TNR: variants seen among roughly 807,000 people sequenced by gnomAD.
TNR encodes the protein tenascin-R.
A neutral mutation model predicts 150.4 loss-of-function variants in TNR; 45 were observed. The observed-to-expected ratio is 0.30, with a 90% CI of 0.24 to 0.38. The LOEUF is 0.38. TNR is among the 10% of genes least tolerant of loss of function. The pLI, the probability that TNR is intolerant of heterozygous loss-of-function variation, is 1.00. For synonymous variants in TNR, 687 were observed against 678.4 expected (o/e 1.01, Z -0.20); for missense variants, 1,544 against 1,759.1 (o/e 0.88, Z 2.19).
chr1:175,522,451 G>A (rs947077532), intron 2 of TNR, among the ~76,000 whole-genome samples: 4 of 152,038 alleles, frequency 2.6e-5, no homozygotes, highest in African/African-American at 7.2e-5. Context: ...AATTGGGTGC[G>A]GCATATACTG....
Position 175,536,221 on chromosome 1 carries a change from G to A in TNR, c.-164-7852C>T, listed in dbSNP as rs535332510. Among the ~76,000 whole-genome samples the A allele has an allele frequency of 3.9e-5, 6 of 152,064 alleles. No individual in the cohort carries two copies. In the South Asian group the frequency reaches 1.2e-3, roughly 32 times the overall value. On this transcript the variant is annotated intron_variant, in intron 1 of 22. Transcript: ENST00000367674. ...TTTTATACATTTATACCATTATTTTGAGAAGGATTCGTGTGCTTCACTAGG... is the reference window on the plus strand; with the variant it reads ...TTTTATACATTTATACCATTATTTTAAGAAGGATTCGTGTGCTTCACTAGG...
At chr1:175,447,809 A>C (rs1489060703) in intron 2 of TNR, among the ~76,000 whole-genome samples, 1 of 152,150 alleles carries the variant, frequency 6.6e-6, no homozygotes, top group African/African-American at 2.4e-5. Context: ...AACAAGGGAA[A>C]ATTCCTCAGT....
In TNR at chr1:175,359,663, C is replaced by T. The variant is rs781518751; in HGVS notation, c.2923G>A (p.Ala975Thr). 1 of 1,613,948 alleles carries T rather than the reference C, an allele frequency of 6.2e-7. No homozygotes were observed. The highest frequency in any genetic ancestry group is 8.5e-7 in the Non-Finnish European group (1 of 1,179,898). The stretch of plus-strand genomic sequence containing the variant: ...TAGTTCTCCACCTCACCCACTGGTG[C>T]CTTCCACTGCAGCAGGGCTTCTGTT... ...TPTEALLQWK[A>T]PVGEVENYVI... is the part of the protein sequence containing the mutation. The change falls in exon 15 of 23, where the codon GCA (alanine) becomes ACA (threonine). Residue 975 changes from alanine (A) to threonine (T), a missense_variant. Ala to Thr is a moderately conservative substitution (Grantham distance 58, BLOSUM62 0). Coordinates refer to ENST00000367674, the MANE Select transcript of TNR (RefSeq NM_003285.3).
chr1:175,393,676 G>A (rs1653285722), intron 6 of TNR, 104 bp downstream of exon 6: 1 of 889,842 alleles, frequency 1.1e-6, no homozygotes, highest in Non-Finnish European at 1.9e-6. Context: ...TTAATGGCAT[G>A]GAGAGAGATA....
At chr1:175,416,127 T>TACAC (rs1202788295) in intron 2 of TNR, among the ~76,000 whole-genome samples, 5 of 130,806 alleles carry the variant, frequency 3.8e-5, no homozygotes, top group East Asian at 2.3e-4. Context: ...TATATATATA[T>TACAC]ATACACACAC....
chr1:175,661,429 G>A (rs1239432881), intron 1 of TNR, among the ~76,000 whole-genome samples: 2 of 152,154 alleles, frequency 1.3e-5, no homozygotes, highest in African/African-American at 2.4e-5. Flanking sequence ...GCTGGGGTGA[G>A]GCCGTGGAGG....
At chr1:175,624,717 A>G (rs901919449) in intron 1 of TNR, among the ~76,000 whole-genome samples, 29 of 152,182 alleles carry the variant, frequency 1.9e-4, no homozygotes, top group African/African-American at 6.8e-4. Context: ...TGCTCAGTTT[A>G]TGGCACTTCA....
chr1:175,696,226 T>TTTTTG (rs1666516041), intron 1 of TNR, among the ~76,000 whole-genome samples: 1 of 136,350 alleles, frequency 7.3e-6, no homozygotes, highest in African/African-American at 3.1e-5. Context: ...AGTTTTTTTT[T>TTTTTG]TTTTTTTTTT....
chr1:175,577,539 G>T (rs1403829117), intron 1 of TNR, among the ~76,000 whole-genome samples: 2 of 152,144 alleles, frequency 1.3e-5, no homozygotes, highest in Non-Finnish European at 2.9e-5. Context: ...CCCCACACAA[G>T]CCTTGGTCAG....
intron 17 of TNR, among the ~76,000 whole-genome samples, chr1:175,355,252 G>A (rs893862731): frequency 6.6e-6 from 1 of 152,204 alleles, no homozygotes; most frequent in African/African-American, 2.4e-5. Context: ...CCTTGAGGAG[G>A]TTTAGTCCTT....
chr1:175,447,471 C>G (rs548074988), intron 2 of TNR, among the ~76,000 whole-genome samples: 22 of 152,250 alleles, frequency 1.4e-4, no homozygotes, highest in Admixed American at 3.9e-4. Flanking sequence ...ATGGCTAGCA[C>G]GTTTGGCATT....
chr1:175,683,990 G>A (rs1485513609), intron 1 of TNR, among the ~76,000 whole-genome samples: 1 of 152,192 alleles, frequency 6.6e-6, no homozygotes, highest in Non-Finnish European at 1.5e-5. Context: ...TGCTCCGGGA[G>A]CTGGGAGACT....
Position 175,359,750 on chromosome 1 carries a change from T to C in TNR, c.2855-19A>G, listed in dbSNP as rs1651506360. ...TCCATGGCTGAAACAGAATAGATTA[T>C]CAGTTACAGATAAGAGGAGCTGCAG... On this transcript the variant is annotated intron_variant, in intron 14 of 22. Transcript: ENST00000367674. The C allele has an allele frequency of 6.3e-7, 1 of 1,595,664 alleles. No homozygotes were observed. Among genetic ancestry groups the C allele is most frequent in the Non-Finnish European group, 8.5e-7 (1 of 1,170,990 alleles).
intron 2 of TNR, among the ~76,000 whole-genome samples, chr1:175,455,442 C>A (rs144941591): frequency 6.6e-6 from 1 of 152,230 alleles, no homozygotes; most frequent in Non-Finnish European, 1.5e-5. Context: ...AATAAGTAGG[C>A]GTTTCCCCTT....
At chr1:175,731,243 A>G (rs145193881) in intron 1 of TNR, among the ~76,000 whole-genome samples, 1 of 152,318 alleles carries the variant, frequency 6.6e-6, no homozygotes, top group Non-Finnish European at 1.5e-5. Flanking sequence ...AAGGAACCAT[A>G]AATGGTTCAA....
Position 175,668,524 on chromosome 1 carries a change from C to A in TNR, c.-165+74702G>T, listed in dbSNP as rs953655934. Among the ~76,000 whole-genome samples, 3 of 152,082 alleles carry A rather than the reference C, an allele frequency of 2.0e-5. No individual in the cohort carries two copies. The East Asian group carries it at 5.8e-4, about 29-fold the overall frequency. On this transcript the variant is annotated intron_variant, in intron 1 of 22. Coordinates refer to ENST00000367674, the MANE Select transcript of TNR (RefSeq NM_003285.3). ...GTACTGAGAAGCAATCCACCCTTTG[C>A]GGGAGGTAGAACGATGCAAGTGCCC...
At chr1:175,690,466 G>C (rs1250888455) in intron 1 of TNR, among the ~76,000 whole-genome samples, 1 of 152,234 alleles carries the variant, frequency 6.6e-6, no homozygotes, top group Non-Finnish European at 1.5e-5. Flanking sequence ...GAGTCATAAA[G>C]AGCAAGAAGG....
intron 1 of TNR, among the ~76,000 whole-genome samples, chr1:175,664,075 C>T (rs750679790): frequency 2.4e-4 from 37 of 152,338 alleles, no homozygotes; most frequent in Middle Eastern, 3.4e-3. Context: ...CTGGTCACTT[C>T]TGTGTTAGGA....
At chr1:175,420,137 C>A (rs1161613978) in intron 2 of TNR, among the ~76,000 whole-genome samples, 1 of 152,134 alleles carries the variant, frequency 6.6e-6, no homozygotes, top group African/African-American at 2.4e-5. Flanking sequence ...GTTTTGGTAG[C>A]CTCTCACCCA....
Sources: allele counts gnomAD v4.1 joint callset (sites outside exome capture counted in the v4.1 genomes callset), GRCh38; gene constraint gnomAD v4.1.1; transcripts MANE v1.5; gene names NCBI Gene and HGNC (gene_info 2026-07-23, HGNC 2026-07-21).